Variants in SPTA1 observed in about 807,000 individuals in gnomAD.
The protein encoded by SPTA1 is spectrin alpha, erythrocytic 1.
In SPTA1, 177 loss-of-function variants were observed where a neutral mutation model predicts 324.7. The observed-to-expected ratio is 0.55, with a 90% CI of 0.48 to 0.62. The LOEUF is 0.62. Among genes scored for constraint, SPTA1 ranks in the 20% least tolerant of loss-of-function variants. The pLI, the probability that SPTA1 is intolerant of heterozygous loss-of-function variation, is 0.00. For missense variants in SPTA1, 3,162 were observed against 2,883.6 expected, an observed-to-expected ratio of 1.10 and a Z score of -2.21; for synonymous variants, 1,195 against 1,041.3, an observed-to-expected ratio of 1.15 and a Z score of -2.84.
At chr1:158,650,077 G>A in intron 24 of SPTA1, 130 bp from the exon 25 acceptor site, 2 of 748,022 alleles carry the variant, frequency 2.7e-6, no homozygotes, top group Admixed American at 2.1e-5. Context: ...GCATAGCTTT[G>A]CTTCTTTCTT....
chr1:158,664,676 C>T (rs911197266), intron 16 of SPTA1, among the ~76,000 whole-genome samples: 2 of 152,072 alleles, frequency 1.3e-5, no homozygotes, highest in East Asian at 3.9e-4. Flanking sequence ...TAAATTAAAA[C>T]CAAAAATCAG....
At chr1:158,644,782 T>C (rs1651870568) in intron 29 of SPTA1, among the ~76,000 whole-genome samples, 1 of 152,210 alleles carries the variant, frequency 6.6e-6, no homozygotes, top group Non-Finnish European at 1.5e-5. Context: ...TTTGGTTTAT[T>C]AATAATCATC....
intron 27 of SPTA1, among the ~76,000 whole-genome samples, chr1:158,646,503 CA>C (rs1214374440): frequency 6.6e-6 from 1 of 151,866 alleles, no homozygotes; most frequent in Non-Finnish European, 1.5e-5. Flanking sequence ...AAAAAACAAA[CA>C]AAAAACAGAG....
At chr1:158,626,692 G>C (rs1205657980) in intron 41 of SPTA1, 147 bp downstream of exon 41, 1 of 946,524 alleles carries the variant, frequency 1.1e-6, no homozygotes, top group African/African-American at 1.6e-5. Context: ...GCAAATGTGA[G>C]TGTAATTCTG....
At position 158,654,816 on chromosome 1, in the gene SPTA1, G is replaced by T. The variant is rs909257170; in HGVS notation, c.2899-68C>A. 1.9e-6 allele frequency: 3 copies of T among 1,600,028 alleles called. No homozygotes were observed. The African/African-American group carries it at 4.0e-5, about 21-fold the overall frequency. ...TATCTCCCTGTACAGCTTACCAGGG[G>T]TGAGTAGTCCTTTAGGCTTCCCAGG... On this transcript the variant is annotated intron_variant, in intron 20 of 51. Transcript: ENST00000643759.
chr1:158,653,972 A>G (rs59561732), intron 21 of SPTA1, among the ~76,000 whole-genome samples: 3,177 of 152,294 alleles, frequency 0.021, 114 homozygotes, highest in African/African-American at 0.073. Context: ...GAAAAAATGG[A>G]CTGGCACACA....
At chr1:158,636,163 G>A (rs1482553015) in intron 37 of SPTA1, 129 bp from the exon 38 acceptor site, 1 of 1,492,568 alleles carries the variant, frequency 6.7e-7, no homozygotes, top group African/African-American at 1.4e-5. Context: ...ACTTTGTGAG[G>A]GTCCTGAAAG....
At chr1:158,657,787 G>C in intron 18 of SPTA1, 93 bp from the exon 19 acceptor site, 1 of 1,288,506 alleles carries the variant, frequency 7.8e-7, no homozygotes, top group South Asian at 1.2e-5. Context: ...GAAAGGAAGT[G>C]ATAAAAATGG....
At chr1:158,671,507 C>T in intron 11 of SPTA1, 54 bp from the exon 12 acceptor site, 1 of 1,414,690 alleles carries the variant, frequency 7.1e-7, no homozygotes, top group Non-Finnish European at 1.0e-6. Context: ...AAGAAACATT[C>T]CTCTTGGCAT....
At chr1:158,613,541 C>G (rs1005150239) in intron 50 of SPTA1, among the ~76,000 whole-genome samples, 180 bp downstream of exon 50, 34 of 152,164 alleles carry the variant, frequency 2.2e-4, no homozygotes, top group African/African-American at 8.2e-4. Flanking sequence ...AAAGTTAGCA[C>G]CATTCACTGC....
intron 26 of SPTA1, 40 bp downstream of exon 26, chr1:158,648,469 A>C: frequency 6.2e-7 from 1 of 1,613,500 alleles, no homozygotes; most frequent in South Asian, 1.1e-5. Context: ...CTAAATATAG[A>C]CTGGAAAGTG....
At position 158,636,645 on chromosome 1, in the gene SPTA1, A is replaced by G; in HGVS notation, c.5306T>C (p.Ile1769Thr). ...GATCTGGTATTCTATTCCTACCTGG[A>G]TGGCAGGCTCATGGGCCACCAGCTC... Reference protein sequence around the residue: ...EGELVAHEPAIQNVLDMAEKL... With the variant: ...EGELVAHEPATQNVLDMAEKL... The change falls in exon 37 of 52, where the codon ATC becomes ACC. Residue 1769 changes from isoleucine to threonine, a missense_variant. Physicochemically the swap from Ile to Thr is moderately conservative, Grantham distance 89. Coordinates refer to ENST00000643759, the MANE Select transcript of SPTA1 (RefSeq NM_003126.4). The G allele has an allele frequency of 6.2e-7, 1 of 1,614,018 alleles. No homozygotes were observed. Among genetic ancestry groups the G allele is most frequent in the Non-Finnish European group, 8.5e-7 (1 of 1,179,958 alleles).
At chr1:158,636,180 G>A in intron 37 of SPTA1, 146 bp from the exon 38 acceptor site, 1 of 1,415,756 alleles carries the variant, frequency 7.1e-7, no homozygotes, top group South Asian at 1.2e-5. Context: ...AAAGTCCAGG[G>A]AGAATGATGA....
In SPTA1 at chr1:158,674,386, C is replaced by A. The variant is rs1300563890; in HGVS notation, c.1293G>T (p.Glu431Asp). The A allele has an allele frequency of 1.2e-6, 2 of 1,613,990 alleles. No individual in the cohort carries two copies. Among genetic ancestry groups the A allele is most frequent in the Non-Finnish European group, 1.7e-6 (2 of 1,179,980 alleles). Residue 431 changes from glutamate to aspartate, a missense_variant, in exon 10 of 52, where the codon GAG becomes GAT. Transcript: ENST00000643759. Reference sequence around the variant, plus strand: ...TGGCATTCACGAGGTCTTGACCAGTCTCATCAGCAGATTGAAATCGGTCAT... The same window carrying A: ...TGGCATTCACGAGGTCTTGACCAGTATCATCAGCAGATTGAAATCGGTCAT... ...SYDDRFQSAD[E>D]TGQDLVNANH...
In SPTA1 at chr1:158,686,559, G is replaced by GAGAA. The variant is rs1226092930; in HGVS notation, c.-43_-42insTTCT. The stretch of plus-strand genomic sequence containing the variant: ...GAACCTGGCAAGATAAAATGTGTCA[G>GAGAA]AGAGAGAGAGAGAGAGAAATAATTC... On this transcript the variant is annotated 5_prime_UTR_variant, in exon 1 of 52. The change creates a premature stop within an existing upstream ORF in the 5' untranslated region. Transcript: ENST00000643759. The GAGAA allele has an allele frequency of 1.5e-6, 2 of 1,369,496 alleles. No homozygotes were observed. The highest frequency in any genetic ancestry group is 3.4e-5 in the Admixed American group (2 of 58,030). The allele number at this position is 1,369,496 out of a possible 1,614,324, so 84.8% of individuals were successfully genotyped here. A position where few individuals can be genotyped will look rare whatever the true frequency, so the allele number is the denominator to read the frequency against.
chr1:158,665,069 C>T (rs1449967351), intron 16 of SPTA1, among the ~76,000 whole-genome samples: 2 of 152,178 alleles, frequency 1.3e-5, no homozygotes, highest in African/African-American at 2.4e-5. Context: ...CCTCTACCCA[C>T]ATTAGGAGTT....
intron 35 of SPTA1, chr1:158,639,220 C>T (rs1378909255): frequency 7.3e-6 from 2 of 275,608 alleles, no homozygotes; most frequent in Non-Finnish European, 1.4e-5. Flanking sequence ...CACATGCCCC[C>T]ATCTGATTTT....
intron 20 of SPTA1, among the ~76,000 whole-genome samples, chr1:158,655,635 G>A (rs75243248): frequency 1.0e-3 from 152 of 152,266 alleles, no homozygotes; most frequent in African/African-American, 3.5e-3. Flanking sequence ...CTGAGTCTAC[G>A]TCTTTTGTTT....
Position 158,626,784 on chromosome 1 carries a change from T to A in SPTA1, c.5833+55A>T, listed in dbSNP as rs1383198892. On this transcript the variant is annotated intron_variant, in intron 41 of 51. Coordinates refer to ENST00000643759, the MANE Select transcript of SPTA1 (RefSeq NM_003126.4). ...TCCCAGAGACCATTCTACACATGGA[T>A]GGGATTTATTAGGGTTTCTCAAACC... 7 of 1,609,084 alleles carry A rather than the reference T, an allele frequency of 4.4e-6. No individual in the cohort carries two copies. The African/African-American group carries it at 8.0e-5, about 18-fold the overall frequency.
Sources: allele counts gnomAD v4.1 joint callset (sites outside exome capture counted in the v4.1 genomes callset), GRCh38; gene constraint gnomAD v4.1.1; transcripts MANE v1.5; gene names NCBI Gene and HGNC (gene_info 2026-07-23, HGNC 2026-07-21).